The following THSD7B variants were observed in gnomAD, a reference collection of about 807,000 sequenced individuals.
THSD7B encodes thrombospondin type 1 domain containing 7B, also known as thrombospondin type-1 domain-containing protein 7B.
A neutral mutation model predicts 213.6 loss-of-function variants in THSD7B; 138 were observed. That is an observed-to-expected ratio of 0.65 (90% CI 0.56 to 0.74). THSD7B has a LOEUF of 0.74. Ranked by LOEUF, THSD7B falls within the 30% of genes least tolerant of loss-of-function variation. THSD7B has a pLI of 0.00. For missense variants in THSD7B, 1,931 were observed against 1,991.5 expected, an observed-to-expected ratio of 0.97 and a Z score of 0.58; for synonymous variants, 742 against 687.0, an observed-to-expected ratio of 1.08 and a Z score of -1.25.
chr2:136,927,986 C>T (rs1684568970), intron 2 of THSD7B, among the ~76,000 whole-genome samples: 2 of 152,148 alleles, frequency 1.3e-5, no homozygotes, highest in Admixed American at 1.3e-4. Flanking sequence ...GGAGTTTATA[C>T]CTCTCTGAAA....
At chr2:137,505,815 A>C (rs1679821040) in intron 15 of THSD7B, among the ~76,000 whole-genome samples, 1 of 152,222 alleles carries the variant, frequency 6.6e-6, no homozygotes. Context: ...GTCAGGAAGC[A>C]GAGGGAGTGC....
chr2:137,352,022 ATTC>A (rs908209804), intron 12 of THSD7B, among the ~76,000 whole-genome samples: 49 of 151,932 alleles, frequency 3.2e-4, no homozygotes, highest in African/African-American at 1.1e-3. Context: ...GCTGAAGATA[ATTC>A]TTCTTCTTTC....
intron 5 of THSD7B, among the ~76,000 whole-genome samples, chr2:137,123,430 T>G (rs1688577756): frequency 6.6e-6 from 1 of 152,186 alleles, no homozygotes; most frequent in African/African-American, 2.4e-5. Context: ...TGCTGAGTGA[T>G]CACTATGTAT....
intron 6 of THSD7B, among the ~76,000 whole-genome samples, chr2:137,164,576 C>G (rs917063566): frequency 1.3e-5 from 2 of 152,186 alleles, no homozygotes; most frequent in Non-Finnish European, 2.9e-5. Context: ...AAGACCCATG[C>G]ACACATATGT....
intron 2 of THSD7B, among the ~76,000 whole-genome samples, chr2:137,032,930 T>C (rs1352693909): frequency 6.6e-6 from 1 of 152,222 alleles, no homozygotes; most frequent in Non-Finnish European, 1.5e-5. Flanking sequence ...TTTCAGATTA[T>C]TTTCTTTATG....
Position 137,469,975 on chromosome 2 carries a change from A to G in THSD7B, c.3138+18952A>G, listed in dbSNP as rs571493331. Among the ~76,000 whole-genome samples, 4 of 152,332 alleles carry G rather than the reference A, an allele frequency of 2.6e-5. No homozygotes were observed. The South Asian group carries it at 8.3e-4, about 32-fold the overall frequency. On this transcript the variant is annotated intron_variant, in intron 15 of 27. Transcript: ENST00000409968. The stretch of plus-strand genomic sequence containing the variant: ...TGTTTCAAATGGTTAGATTTGGGGG[A>G]AAACATACAATTAATTTACATTTTA...
At chr2:136,901,467 G>A (rs1223185202) in intron 2 of THSD7B, among the ~76,000 whole-genome samples, 3 of 152,164 alleles carry the variant, frequency 2.0e-5, no homozygotes, top group Non-Finnish European at 4.4e-5. Flanking sequence ...AAGCCCATGT[G>A]CTTCCTAATT....
intron 2 of THSD7B, among the ~76,000 whole-genome samples, chr2:137,028,123 TA>T (rs1168399907): frequency 6.6e-6 from 1 of 152,190 alleles, no homozygotes; most frequent in Non-Finnish European, 1.5e-5. Context: ...ATTTCATTAT[TA>T]AGATGGTTGT....
At position 136,826,504 on chromosome 2, in the gene THSD7B, G is replaced by T. The variant is rs76143328; in HGVS notation, c.-35-55640G>T. The stretch of plus-strand genomic sequence containing the variant: ...AGAGGACTGGCCCAAGGAACACTGG[G>T]AAAAGGATCAGACTGGGTTTTCCGG... On this transcript the variant is annotated intron_variant, in intron 1 of 27. Coordinates refer to ENST00000409968, the MANE Select transcript of THSD7B (RefSeq NM_001316349.2). Among the ~76,000 whole-genome samples the T allele has an allele frequency of 3.6e-3, 544 of 152,282 alleles. 23 individuals are homozygous for T. In the East Asian group the frequency reaches 0.078, roughly 22 times the overall value.
At chr2:137,342,546 G>A (rs952851530) in intron 12 of THSD7B, among the ~76,000 whole-genome samples, 2 of 151,552 alleles carry the variant, frequency 1.3e-5, no homozygotes, top group Non-Finnish European at 3.0e-5. Context: ...TTCCAGTACT[G>A]TGTTACATAG....
chr2:137,538,672 A>G (rs1192448561), intron 15 of THSD7B, among the ~76,000 whole-genome samples: 6 of 151,732 alleles, frequency 4.0e-5, no homozygotes, highest in Non-Finnish European at 8.9e-5. Context: ...GTTGCTGTTG[A>G]ATGAATTCCT....
At chr2:136,988,655 A>C (rs944149760) in intron 2 of THSD7B, among the ~76,000 whole-genome samples, 1 of 152,186 alleles carries the variant, frequency 6.6e-6, no homozygotes, top group Admixed American at 6.5e-5. Flanking sequence ...ATCACTTGAG[A>C]AGTCTCTCAT....
chr2:137,643,653 C>T (rs1400741109), intron 21 of THSD7B, among the ~76,000 whole-genome samples: 2 of 152,096 alleles, frequency 1.3e-5, no homozygotes, highest in Non-Finnish European at 2.9e-5. Flanking sequence ...GACTCACTTA[C>T]AAAAATTGAA....
chr2:137,015,264 T>G (rs929426464), intron 2 of THSD7B, among the ~76,000 whole-genome samples: 4 of 152,116 alleles, frequency 2.6e-5, no homozygotes, highest in African/African-American at 9.7e-5. Flanking sequence ...AAATATGGCC[T>G]TCATTTATTT....
At chr2:136,867,807 T>C (rs1288364449) in intron 1 of THSD7B, among the ~76,000 whole-genome samples, 1 of 152,244 alleles carries the variant, frequency 6.6e-6, no homozygotes, top group African/African-American at 2.4e-5. Context: ...TACTTCTTTC[T>C]CTGGGAGAAA....
At chr2:136,813,365 A>G (rs1682415099) in intron 1 of THSD7B, among the ~76,000 whole-genome samples, 1 of 152,130 alleles carries the variant, frequency 6.6e-6, no homozygotes, top group African/African-American at 2.4e-5. Flanking sequence ...CCACAGTATG[A>G]CTACAAAGCT....
chr2:137,506,984 T>G (rs1679851417), intron 15 of THSD7B, among the ~76,000 whole-genome samples: 1 of 152,218 alleles, frequency 6.6e-6, no homozygotes, highest in Non-Finnish European at 1.5e-5. Context: ...GAAGAAAGTT[T>G]TGTTTACTTC....
intron 15 of THSD7B, among the ~76,000 whole-genome samples, chr2:137,514,485 G>A (rs1680030417): frequency 6.6e-6 from 1 of 152,112 alleles, no homozygotes; most frequent in African/African-American, 2.4e-5. Context: ...ATGGCCTATT[G>A]CGGGACCTTG....
At chr2:136,894,071 G>A (rs1268687348) in intron 2 of THSD7B, among the ~76,000 whole-genome samples, 1 of 152,056 alleles carries the variant, frequency 6.6e-6, no homozygotes, top group Non-Finnish European at 1.5e-5. Flanking sequence ...AAAAGCTATT[G>A]TGGAAATAAG....
Sources: gnomAD v4.1 joint callset for allele counts (sites outside exome capture counted in the v4.1 genomes callset) on GRCh38, gnomAD v4.1.1 for gene constraint, MANE v1.5 for transcripts, NCBI Gene and HGNC (gene_info 2026-07-23, HGNC 2026-07-21) for gene names.